The following KIF11 variants were observed in gnomAD, a reference collection of about 807,000 sequenced individuals.
The protein encoded by KIF11 is kinesin family member 11.
KIF11 carries 9 observed loss-of-function variants against 121.0 expected under a neutral mutation model. The ratio of observed to expected loss-of-function variants is 0.07; its 90% CI spans 0.04 to 0.13. The LOEUF (loss-of-function observed/expected upper bound fraction) is 0.13. KIF11 is among the 10% of genes least tolerant of loss of function. KIF11 has a pLI of 1.00. For missense variants in KIF11, 846 were observed against 1,217.5 expected (o/e 0.69, Z 4.54); for synonymous variants, 408 against 421.0 (o/e 0.97, Z 0.38).
intron 17 of KIF11, among the ~76,000 whole-genome samples, chr10:92,642,407 G>A (rs1461137319): frequency 6.6e-6 from 1 of 152,174 alleles, no homozygotes; most frequent in Non-Finnish European, 1.5e-5. Context: ...CTACCCACAT[G>A]AGAAAAATTT....
chr10:92,636,761 G>A (rs892926833), intron 14 of KIF11, among the ~76,000 whole-genome samples: 7 of 151,692 alleles, frequency 4.6e-5, no homozygotes, highest in African/African-American at 1.7e-4. Context: ...GGCCGGGCGC[G>A]GTGGCTCACG....
intron 4 of KIF11, among the ~76,000 whole-genome samples, chr10:92,607,878 G>C (rs192765021): frequency 6.6e-6 from 1 of 151,964 alleles, no homozygotes; most frequent in East Asian, 1.9e-4. Flanking sequence ...TAATTGGTCG[G>C]GCACGGTGGC....
chr10:92,650,683 G>GA (rs1844971177), intron 21 of KIF11, among the ~76,000 whole-genome samples, 166 bp downstream of exon 21: 1 of 152,146 alleles, frequency 6.6e-6, no homozygotes, highest in Admixed American at 6.5e-5. Context: ...ATCTGATATT[G>GA]ATAAGGGGTT....
chr10:92,602,839 T>TACAC (rs1844387556), intron 1 of KIF11, among the ~76,000 whole-genome samples: 3 of 150,332 alleles, frequency 2.0e-5, no homozygotes, highest in Non-Finnish European at 4.4e-5. Flanking sequence ...TGTGTGTGTG[T>TACAC]GTGTGTGTGT....
At position 92,630,229 on chromosome 10, in the gene KIF11, C is replaced by G. The variant is rs775797014; in HGVS notation, c.1359C>G (p.Asp453Glu). Reference sequence around the variant, plus strand: ...ATGAACTTGACCAGTGTAAATCTGACCTGCAAAATAAAACACAAGAACTTG... The same window carrying G: ...ATGAACTTGACCAGTGTAAATCTGAGCTGCAAAATAAAACACAAGAACTTG... ...NKNELDQCKS[D>E]LQNKTQELET... The change falls in exon 12 of 22, where the codon GAC becomes GAG. Residue 453 changes from aspartate to glutamate, a missense_variant. Physicochemically the swap from Asp to Glu is conservative, Grantham distance 45. This residue lies in a region of KIF11 where 95 missense variants were observed against 109.3 expected (regional missense o/e 0.87). Transcript: ENST00000260731. The G allele has an allele frequency of 6.2e-7, 1 of 1,606,346 alleles. No homozygotes were observed. Among genetic ancestry groups the G allele is most frequent in the Non-Finnish European group, 8.5e-7 (1 of 1,176,022 alleles).
At chr10:92,636,808 G>A (rs111446445) in intron 14 of KIF11, among the ~76,000 whole-genome samples, 22,592 of 151,560 alleles carry the variant, frequency 0.15, 3,566 homozygotes, top group African/African-American at 0.4. Flanking sequence ...CACGGGGGGC[G>A]GATCACCTGA....
intron 1 of KIF11, among the ~76,000 whole-genome samples, chr10:92,603,011 C>T (rs1338760349): frequency 1.3e-5 from 2 of 151,642 alleles, no homozygotes; most frequent in Admixed American, 6.6e-5. Context: ...CCTGCCACCA[C>T]GCCTGGCTAA....
chr10:92,605,381 A>G (rs1844417603), intron 1 of KIF11, among the ~76,000 whole-genome samples: 1 of 151,724 alleles, frequency 6.6e-6, no homozygotes, highest in African/African-American at 2.4e-5. Context: ...CATTATTTTT[A>G]TGTACTTTTT....
At position 92,606,335 on chromosome 10, in the gene KIF11, G is replaced by C. The variant is rs376032374; in HGVS notation, c.148G>C (p.Val50Leu). The change falls in exon 2 of 22, where the codon GTT becomes CTT. Residue 50 changes from valine to leucine, a missense_variant. Coordinates refer to ENST00000260731, the MANE Select transcript of KIF11 (RefSeq NM_004523.4). ...IVECDPVRKEVSVRTGGLADK... is the reference protein window; with the variant it reads ...IVECDPVRKELSVRTGGLADK... ...AGAATGTGATCCTGTACGAAAAGAA[G>C]TTAGTGTACGAACTGGAGGATTGGC... The C allele has an allele frequency of 8.1e-6, 13 of 1,612,654 alleles. No homozygotes were observed. The highest frequency in any genetic ancestry group is 1.6e-4 in the Middle Eastern group (1 of 6,080).
intron 9 of KIF11, among the ~76,000 whole-genome samples, chr10:92,619,592 A>G (rs188984922): frequency 2.6e-4 from 39 of 152,158 alleles, no homozygotes; most frequent in Admixed American, 2.3e-3. Flanking sequence ...TGGCTGTATC[A>G]TTTTACAGTG....
chr10:92,609,303 A>AGAGAGAGAGTGT (rs1372794402), intron 5 of KIF11, 82 bp from the exon 6 acceptor site: 4 of 382,552 alleles, frequency 1.0e-5, no homozygotes, highest in Non-Finnish European at 1.5e-5. Context: ...AGAGAGAGAG[A>AGAGAGAGAGTGT]GTGTGTGTGT....
Position 92,637,162 on chromosome 10 carries a change from ATTTG to A in KIF11, c.1876-18_1876-15del. On this transcript the variant is annotated intron_variant, in intron 14 of 21. Transcript: ENST00000260731. ...GTGGAAATATTCTTTTTAAAGACCT[ATTTG>A]TTTATTTCTGAAACCAGAATGTACT... 1.3e-6 allele frequency: 2 copies of A among 1,553,204 alleles called. No homozygotes were observed. Among genetic ancestry groups the A allele is most frequent in the Non-Finnish European group, 8.7e-7 (1 of 1,154,786 alleles).
At chr10:92,596,315 T>C (rs1380248174) in intron 1 of KIF11, among the ~76,000 whole-genome samples, 1 of 152,264 alleles carries the variant, frequency 6.6e-6, no homozygotes, top group Non-Finnish European at 1.5e-5. Context: ...GAGTTACTTC[T>C]TACTTTTAGC....
rs1332394788 is a variant in KIF11 at position 92,655,391 on chromosome 10, A to G, written c.*1595A>G. 1 of 152,236 alleles carries G rather than the reference A, an allele frequency of 6.6e-6. No homozygotes were observed. The highest frequency in any genetic ancestry group is 1.5e-5 in the Non-Finnish European group (1 of 68,044). The allele number at this position is 152,236 out of a possible 1,614,324, so 9.4% of individuals were successfully genotyped here. ...CATGGTTAATAAATGTGGTTTCTAC[A>G]TTAACCTGCTTGCTCCATAATTTCT... On this transcript the variant is annotated 3_prime_UTR_variant, in exon 22 of 22. Coordinates refer to ENST00000260731, the MANE Select transcript of KIF11 (RefSeq NM_004523.4).
intron 15 of KIF11, 32 bp from the exon 16 acceptor site, chr10:92,637,355 T>G (rs1010389059): frequency 1.9e-6 from 3 of 1,578,744 alleles, no homozygotes; most frequent in Non-Finnish European, 2.6e-6. Flanking sequence ...ATGTGTTGTT[T>G]AAGAAGGAAA....
chr10:92,603,539 T>A (rs541699989), intron 1 of KIF11, among the ~76,000 whole-genome samples: 1 of 152,068 alleles, frequency 6.6e-6, no homozygotes, highest in Non-Finnish European at 1.5e-5. Context: ...TTAGTAGAGA[T>A]GAGGTTTCAC....
At chr10:92,643,480 T>C (rs930397131) in intron 17 of KIF11, among the ~76,000 whole-genome samples, 2 of 152,136 alleles carry the variant, frequency 1.3e-5, no homozygotes, top group African/African-American at 2.4e-5. Context: ...CTTAGGTGTT[T>C]ATATGTGCAA....
intron 17 of KIF11, among the ~76,000 whole-genome samples, chr10:92,644,863 G>A (rs939998720): frequency 6.6e-6 from 1 of 151,954 alleles, no homozygotes; most frequent in Non-Finnish European, 1.5e-5. Context: ...ATGTTACATT[G>A]TTCTATATGT....
chr10:92,624,226 TTC>T (rs1342998509), intron 10 of KIF11, among the ~76,000 whole-genome samples: 2 of 147,750 alleles, frequency 1.4e-5, no homozygotes, highest in African/African-American at 5.0e-5. Flanking sequence ...CATGATCTCA[TTC>T]TTTTTTTTTT....
Sources: gnomAD v4.1 joint callset for allele counts (sites outside exome capture counted in the v4.1 genomes callset) on GRCh38, gnomAD v4.1.1 for gene constraint, gnomAD v4.1.1 regional missense constraint, MANE v1.5 for transcripts, NCBI Gene and HGNC (gene_info 2026-07-23, HGNC 2026-07-21) for gene names.